ZNF814: variants seen among roughly 807,000 people sequenced by gnomAD.
ZNF814 encodes zinc finger protein 814.
Under a neutral mutation model 7.5 loss-of-function variants are expected in ZNF814, and 5 were observed. The observed-to-expected ratio is 0.67, with a 90% CI of 0.35 to 1.40. The LOEUF (loss-of-function observed/expected upper bound fraction) is 1.40. Among genes scored for constraint, ZNF814 ranks in the 40% most tolerant of loss-of-function variants. The pLI is 0.04. For missense variants in ZNF814, 962 were observed against 1,018.0 expected, an observed-to-expected ratio of 0.94 and a Z score of 0.75; for synonymous variants, 315 against 340.7, an observed-to-expected ratio of 0.92 and a Z score of 0.83.
the ZNF814 span, among the ~76,000 whole-genome samples, chr19:57,904,850 T>C: frequency 5.2e-4 from 78 of 150,050 alleles, no homozygotes; most frequent in East Asian, 7.0e-3. Flanking sequence ...CGAGCGTTCC[T>C]GACTAGCTTG....
chr19:57,887,302 T>C (rs1206201064), intron 1 of ZNF814, among the ~76,000 whole-genome samples: 3 of 152,232 alleles, frequency 2.0e-5, no homozygotes, highest in South Asian at 4.1e-4. Context: ...TGTAAAAGAT[T>C]AGGCCTTCAG....
chr19:57,875,429 G>C (rs2071598309), intron 2 of ZNF814, among the ~76,000 whole-genome samples: 2 of 152,176 alleles, frequency 1.3e-5, no homozygotes, highest in Admixed American at 1.3e-4. Context: ...ATAAGTTAAA[G>C]GACACAACCA....
At chr19:57,876,747 A>G (rs1258429451) in intron 2 of ZNF814, 169 bp downstream of exon 2, 8 of 1,119,196 alleles carry the variant, frequency 7.1e-6, no homozygotes, top group Admixed American at 3.0e-5. Context: ...TGCTCCAAGA[A>G]AGGAGTAGGG....
At position 57,888,750 on chromosome 19, in the gene ZNF814, G is replaced by C. The variant is rs375550431; in HGVS notation, c.36+17C>G. The C allele has an allele frequency of 1.8e-5, 28 of 1,553,764 alleles. No homozygotes were observed. The East Asian group carries it at 6.3e-4, about 35-fold the overall frequency. ...GACGATGAGGTGACCTGAGGACACA[G>C]AAGGCCCCACAATTACCTGAGCGGA... On this transcript the variant is annotated intron_variant, in intron 1 of 2. Transcript: ENST00000435989.
chr19:57,873,469 A>G lies in ZNF814; in HGVS notation c.1921T>C (p.Phe641Leu). The G allele has an allele frequency of 6.2e-7, 1 of 1,614,156 alleles. No individual in the cohort carries two copies. Among genetic ancestry groups the G allele is most frequent in the Non-Finnish European group, 8.5e-7 (1 of 1,180,006 alleles). The change falls in exon 3 of 3, where the codon TTT becomes CTT. Residue 641 changes from phenylalanine to leucine, a missense_variant. This residue lies in a region of ZNF814 where 665 missense variants were observed against 551.4 expected (regional missense o/e 1.21). Coordinates refer to ENST00000435989, the MANE Select transcript of ZNF814 (RefSeq NM_001144989.2). ...TTCCTAAGGTGTCCTTTTTCATTAA[A>G]AGATTTCCCACAGTCTCCACACTTG... ...PYKCGDCGKSFNEKGHLRNHQ... is the reference protein window; with the variant it reads ...PYKCGDCGKSLNEKGHLRNHQ...
intron 2 of ZNF814, 38 bp downstream of exon 2, chr19:57,876,878 G>C (rs1338733757): frequency 2.5e-6 from 4 of 1,612,190 alleles, no homozygotes; most frequent in Non-Finnish European, 3.4e-6. Flanking sequence ...GGAAAACAGA[G>C]ACTAGCTCAG....
At chr19:57,879,716 T>C (rs2071636568) in intron 1 of ZNF814, among the ~76,000 whole-genome samples, 2 of 149,496 alleles carry the variant, frequency 1.3e-5, no homozygotes, top group African/African-American at 4.9e-5. Flanking sequence ...CCTCCTTATA[T>C]TCCCAGTGAC....
upstream of ZNF814, among the ~76,000 whole-genome samples, chr19:57,889,779 T>C (rs1469042354): frequency 4.0e-5 from 6 of 151,390 alleles, no homozygotes; most frequent in African/African-American, 1.5e-4. Context: ...CAGGAGAATC[T>C]CTTGTACATG....
Position 57,875,963 on chromosome 19 carries a change from T to C in ZNF814, c.164-737A>G, listed in dbSNP as rs1278173792. On this transcript the variant is annotated intron_variant, in intron 2 of 2. Coordinates refer to ENST00000435989, the MANE Select transcript of ZNF814 (RefSeq NM_001144989.2). ...TGCCGCTTTTTTTTTTTTTTTTTTT[T>C]TTTTTTTTTTTTTTTGAGATGGAGT... Among the ~76,000 whole-genome samples the C allele has an allele frequency of 2.1e-4, 26 of 121,032 alleles. 1 individual carries two copies. Among genetic ancestry groups the C allele is most frequent in the Middle Eastern group, 4.0e-3 (1 of 250 alleles). The allele number at this position is 121,032 out of a possible 152,430, so 79.4% of individuals were successfully genotyped here. A position where few individuals can be genotyped will look rare whatever the true frequency, so the allele number is the denominator to read the frequency against.
the ZNF814 span, among the ~76,000 whole-genome samples, chr19:57,902,853 T>C: frequency 6.7e-6 from 1 of 149,684 alleles, no homozygotes; most frequent in South Asian, 2.1e-4. Flanking sequence ...TATTTATTTA[T>C]TTTTTTTAGT....
At chr19:57,899,260 T>C in the ZNF814 span, among the ~76,000 whole-genome samples, 1 of 152,208 alleles carries the variant, frequency 6.6e-6, no homozygotes, top group South Asian at 2.1e-4. Context: ...TTAAGCCAGT[T>C]AGAGAACAAT....
At position 57,873,345 on chromosome 19, in the gene ZNF814, T is replaced by C; in HGVS notation, c.2045A>G (p.His682Arg). ...KGNLILHQHGHTGERPYVCRE... is the reference protein window; with the variant it reads ...KGNLILHQHGRTGERPYVCRE... The stretch of plus-strand genomic sequence containing the variant: ...ACATACATAAGGTCTTTCTCCAGTA[T>C]GGCCATGCTGGTGTAGAATGAGGTT... The change falls in exon 3 of 3, where the codon CAT becomes CGT. Residue 682 changes from histidine (H) to arginine (R), a missense_variant. By Grantham distance (29) the His-to-Arg change is conservative (BLOSUM62 0). Around this residue, in one of 7 missense-constraint regions of ZNF814, gnomAD observed 665 missense variants for 551.4 expected, o/e 1.21. Coordinates refer to ENST00000435989, the MANE Select transcript of ZNF814 (RefSeq NM_001144989.2). 2 of 1,595,378 alleles carry C rather than the reference T, an allele frequency of 1.3e-6. No homozygotes were observed. Among genetic ancestry groups the C allele is most frequent in the South Asian group, 1.1e-5 (1 of 89,490 alleles).
upstream of ZNF814, among the ~76,000 whole-genome samples, chr19:57,890,762 A>G (rs536510910): frequency 1.4e-3 from 219 of 152,230 alleles, no homozygotes; most frequent in African/African-American, 5.0e-3. Flanking sequence ...TGACTCCTAA[A>G]TGATAATTTC....
At position 57,873,554 on chromosome 19, in the gene ZNF814, A is replaced by AG. The variant is rs2071575606; in HGVS notation, c.1835dup (p.Ser614Ter). 6.2e-7 allele frequency: 1 copy of AG among 1,613,842 alleles called. No individual in the cohort carries two copies. Among genetic ancestry groups the AG allele is most frequent in the Non-Finnish European group, 8.5e-7 (1 of 1,179,978 alleles). Reference sequence around the variant, plus strand: ...GAACAAGGCTGCGCTTATGACTAAAAGATTTCCCACATTCTCCACACTCAT... The same window carrying AG: ...GAACAAGGCTGCGCTTATGACTAAAAGGATTTCCCACATTCTCCACACTCAT... On this transcript the variant is annotated frameshift_variant, in exon 3 of 3. Transcript: ENST00000435989. LOFTEE classifies it low-confidence loss of function (END_TRUNC).
chr19:57,904,845 G>A, the ZNF814 span, among the ~76,000 whole-genome samples: 1,597 of 152,068 alleles, frequency 0.011, 23 homozygotes, highest in African/African-American at 0.035. Flanking sequence ...GAGGTCGAGC[G>A]TTCCTGACTA....
chr19:57,896,173 CAAA>C, the ZNF814 span, among the ~76,000 whole-genome samples: 4 of 69,286 alleles, frequency 5.8e-5, no homozygotes, highest in African/African-American at 4.2e-5. The surrounding 1 kb of genome is among the most constrained non-coding windows in gnomAD (Gnocchi z 4.2). Flanking sequence ...GACTCCATCT[CAAA>C]AAAAAAAAAA....
Position 57,872,933 on chromosome 19 carries a change from C to T in ZNF814, c.2457G>A (p.Lys819=), listed in dbSNP as rs1309520581. The T allele has an allele frequency of 6.2e-7, 1 of 1,613,838 alleles. No individual in the cohort carries two copies. Among genetic ancestry groups the T allele is most frequent in the South Asian group, 1.1e-5 (1 of 91,058 alleles). The change falls in exon 3 of 3, where the codon AAG becomes AAA. Residue 819 remains lysine, a synonymous_variant. Transcript: ENST00000435989. ...AAGGCTTTTCTCCAGTGTGAACTCTCTTGTGTTTAGTGAGACTGGAGCTTT... is the reference window on the plus strand; with the variant it reads ...AAGGCTTTTCTCCAGTGTGAACTCTTTTGTGTTTAGTGAGACTGGAGCTTT... ...FAESSSLTKH[K]RVHTGEKPYK...
chr19:57,904,396 T>G, the ZNF814 span, among the ~76,000 whole-genome samples: 3 of 152,184 alleles, frequency 2.0e-5, no homozygotes, highest in Admixed American at 1.3e-4. Flanking sequence ...ACTCTTGTCT[T>G]GTCTCATTCC....
intron 1 of ZNF814, among the ~76,000 whole-genome samples, chr19:57,887,717 C>T (rs1447581153): frequency 2.0e-5 from 3 of 152,126 alleles, no homozygotes; most frequent in Non-Finnish European, 2.9e-5. Context: ...TAAGCAGATT[C>T]TCAACATATC....
Sources: allele counts gnomAD v4.1 joint callset (sites outside exome capture counted in the v4.1 genomes callset), GRCh38; gene constraint gnomAD v4.1.1; regional missense constraint gnomAD v4.1.1; non-coding constraint Gnocchi (gnomAD v3.1); transcripts MANE v1.5; gene names NCBI Gene and HGNC (gene_info 2026-07-23, HGNC 2026-07-21).